INTS6: variants seen among roughly 807,000 people sequenced by gnomAD.
INTS6 encodes the protein DEAD box protein.
A neutral mutation model predicts 104.9 loss-of-function variants in INTS6; 16 were observed. The ratio of observed to expected loss-of-function variants is 0.15; its 90% CI spans 0.10 to 0.23. INTS6 has a LOEUF of 0.23. INTS6 is among the 10% of genes least tolerant of loss of function. INTS6 has a pLI of 1.00. For synonymous variants in INTS6, 324 were observed against 358.7 expected (o/e 0.90, Z 1.09); for missense variants, 584 against 1,062.8 (o/e 0.55, Z 6.26).
At chr13:51,401,836 C>T (rs1024910559) in intron 4 of INTS6, among the ~76,000 whole-genome samples, 3 of 151,716 alleles carry the variant, frequency 2.0e-5, no homozygotes, top group Non-Finnish European at 4.4e-5. Flanking sequence ...TATTATACTG[C>T]CTAACCAGGA....
intron 5 of INTS6, 45 bp from the exon 6 acceptor site, chr13:51,389,489 A>C: frequency 1.3e-6 from 2 of 1,513,000 alleles, no homozygotes; most frequent in Non-Finnish European, 1.8e-6. Flanking sequence ...GAATATAGTA[A>C]ACTAGTTAGT....
chr13:51,425,069 C>T (rs902086941), intron 4 of INTS6, among the ~76,000 whole-genome samples: 3 of 151,936 alleles, frequency 2.0e-5, no homozygotes, highest in African/African-American at 7.2e-5. Context: ...ATTTCAGATA[C>T]TAGAAACTGA....
At position 51,376,225 on chromosome 13, in the gene INTS6, A is replaced by G. The variant is rs147966355; in HGVS notation, c.1603-51T>C. 2,478 of 1,486,048 alleles carry G rather than the reference A, an allele frequency of 1.7e-3. 26 individuals are homozygous for G. The African/African-American group carries it at 0.029, about 17-fold the overall frequency. 92.1% of individuals were successfully genotyped at this position (1,486,048 alleles called of 1,614,324 possible). A position where few individuals can be genotyped will look rare whatever the true frequency, so the allele number is the denominator to read the frequency against. ...ATTTATTGTCAAACATAGAATTACA[A>G]GAGACTAAAATCTCTAGCCTGCAGC... On this transcript the variant is annotated intron_variant, in intron 12 of 17. Transcript: ENST00000311234.
chr13:51,401,101 A>G (rs1183750500), intron 4 of INTS6, among the ~76,000 whole-genome samples: 1 of 152,152 alleles, frequency 6.6e-6, no homozygotes, highest in East Asian at 1.9e-4. Flanking sequence ...ATATGCCTCA[A>G]CTGAACAAGA....
chr13:51,415,118 TGA>T (rs950981578), intron 4 of INTS6, among the ~76,000 whole-genome samples: 2 of 151,688 alleles, frequency 1.3e-5, no homozygotes, highest in Admixed American at 6.6e-5. Context: ...CTGACAAGTA[TGA>T]GAGTTTTTTT....
rs1957046513 is a variant in INTS6, at chr13:51,429,571, C to G, written c.429+723G>C. Among the ~76,000 whole-genome samples, 7 of 151,564 alleles carry G rather than the reference C, an allele frequency of 4.6e-5. No individual in the cohort carries two copies. The South Asian group carries it at 1.5e-3, about 32-fold the overall frequency. On this transcript the variant is annotated intron_variant, in intron 4 of 17. Transcript: ENST00000311234. ...CTGAGGTCAGGAGTTCGAGACCAAC[C>G]TGGCCAACATGGCAAGACACCATCT...
In INTS6 at chr13:51,387,503, C is replaced by T. The variant is rs753334868; in HGVS notation, c.777G>A (p.Gln259=). ...TGAGTTTGTGACAGCTATGCCAAGG[C>T]TGAGATCCAAAAGGCCTTGATATAT... ...QPDISRPFGS[Q]PWHSCHKLIY... is the part of the protein sequence containing the mutation. The change falls in exon 7 of 18, where the codon CAG becomes CAA. Residue 259 remains glutamine (Q), a synonymous_variant. Transcript: ENST00000311234. 3.7e-6 allele frequency: 6 copies of T among 1,613,270 alleles called. No homozygotes were observed. Among genetic ancestry groups the T allele is most frequent in the Middle Eastern group, 1.7e-4 (1 of 6,052 alleles).
chr13:51,394,920 C>T (rs890867502), intron 5 of INTS6, among the ~76,000 whole-genome samples: 1 of 152,168 alleles, frequency 6.6e-6, no homozygotes, highest in Non-Finnish European at 1.5e-5. Flanking sequence ...GGAAAAATTG[C>T]ACTTAACCAA....
chr13:51,410,757 T>C (rs1271759007), intron 4 of INTS6, among the ~76,000 whole-genome samples: 3 of 152,164 alleles, frequency 2.0e-5, no homozygotes, highest in Non-Finnish European at 4.4e-5. Context: ...AGCTAAAGAC[T>C]GGGAGAAAGT....
the INTS6 span, among the ~76,000 whole-genome samples, chr13:51,344,055 C>T: frequency 6.6e-6 from 1 of 152,204 alleles, no homozygotes; most frequent in African/African-American, 2.4e-5. Flanking sequence ...TTCTTCCCAA[C>T]TTTTAATTGG....
chr13:51,392,152 A>T (rs1956255304), intron 5 of INTS6, among the ~76,000 whole-genome samples: 1 of 152,214 alleles, frequency 6.6e-6, no homozygotes, highest in Admixed American at 6.5e-5. Context: ...CTATATTCTC[A>T]TCTAACAGGT....
At chr13:51,340,502 T>C in the INTS6 span, among the ~76,000 whole-genome samples, 1 of 152,204 alleles carries the variant, frequency 6.6e-6, no homozygotes, top group Non-Finnish European at 1.5e-5. Context: ...AGACCAGGAT[T>C]TGAGTCACAG....
chr13:51,439,306 T>C (rs1952750167), intron 3 of INTS6: 1 of 152,090 alleles, frequency 6.6e-6, no homozygotes, highest in African/African-American at 2.4e-5. Context: ...AAACAGGCAA[T>C]AAAAAACAGG....
chr13:51,356,432 T>A (rs1488555708), intron 3 of INTS6, among the ~76,000 whole-genome samples: 1 of 152,180 alleles, frequency 6.6e-6, no homozygotes, highest in Non-Finnish European at 1.5e-5. Context: ...CTAACCAGTG[T>A]CTTCTTGCAA....
chr13:51,363,118 A>AAGCCAAC lies in INTS6; in HGVS notation c.*2633_*2634insGTTGGCT, dbSNP rs1357848894. ...ATTTGAACAGAAAGGTCATTGCCAAAAGCCAATAGCCAATAAAGGTTGATA... is the reference window on the plus strand; with the variant it reads ...ATTTGAACAGAAAGGTCATTGCCAAAAGCCAACAGCCAATAGCCAATAAAGGTTGATA... On this transcript the variant is annotated 3_prime_UTR_variant, in exon 18 of 18. Coordinates refer to ENST00000311234, the MANE Select transcript of INTS6 (RefSeq NM_012141.3). 2 of 151,980 alleles carry AAGCCAAC rather than the reference A, an allele frequency of 1.3e-5. No individual in the cohort carries two copies. The highest frequency in any genetic ancestry group is 2.9e-5 in the Non-Finnish European group (2 of 67,916). The allele number at this position is 151,980 out of a possible 1,614,324, so 9.4% of individuals were successfully genotyped here.
At chr13:51,338,447 G>GTGGATGGATGGATGGATGGA in the INTS6 span, among the ~76,000 whole-genome samples, 43 of 149,212 alleles carry the variant, frequency 2.9e-4, no homozygotes, top group African/African-American at 9.9e-4. Flanking sequence ...GGATGGATAG[G>GTGGATGGATGGATGGATGGA]TGGATGGATG....
At chr13:51,446,613 A>G (rs1172578601) in intron 3 of INTS6, 1 of 152,228 alleles carries the variant, frequency 6.6e-6, no homozygotes, top group Non-Finnish European at 1.5e-5. Context: ...AACCATGTTC[A>G]TTGCAGCATT....
intron 12 of INTS6, among the ~76,000 whole-genome samples, chr13:51,376,682 A>G (rs1467957629): frequency 6.6e-6 from 1 of 152,078 alleles, no homozygotes; most frequent in Non-Finnish European, 1.5e-5. Context: ...CTTTCTTTCT[A>G]TGCTCCATTT....
At chr13:51,414,849 C>CAT (rs1593732383) in intron 4 of INTS6, among the ~76,000 whole-genome samples, 1 of 151,416 alleles carries the variant, frequency 6.6e-6, no homozygotes, top group Admixed American at 6.6e-5. Flanking sequence ...CACACACACA[C>CAT]ACACACACAC....
Sources: allele counts gnomAD v4.1 joint callset (sites outside exome capture counted in the v4.1 genomes callset), GRCh38; gene constraint gnomAD v4.1.1; transcripts MANE v1.5; gene names NCBI Gene and HGNC (gene_info 2026-07-23, HGNC 2026-07-21).